Variants in CTSB observed in about 807,000 individuals in gnomAD.
The protein encoded by CTSB is cathepsin B.
In CTSB, 57 loss-of-function variants were observed where a neutral mutation model predicts 44.3. The ratio of observed to expected loss-of-function variants is 1.29; its 90% CI spans 1.04 to 1.60. CTSB has a LOEUF of 1.60. CTSB is among the 40% of genes most tolerant of loss of function. The pLI is 0.00. For synonymous variants in CTSB, 320 were observed against 168.0 expected (o/e 1.91, Z -7.00); for missense variants, 768 against 443.0 (o/e 1.73, Z -6.59).
chr8:11,853,194 G>A (rs1293294), intron 2 of CTSB, 135 bp downstream of exon 2: 25,848 of 1,248,146 alleles, frequency 0.021, 336 homozygotes, highest in Non-Finnish European at 0.025. Flanking sequence ...ACATGACTCA[G>A]GGTCAGGGCC....
chr8:11,855,516 G>A (rs1196983016), intron 1 of CTSB, among the ~76,000 whole-genome samples: 1 of 152,082 alleles, frequency 6.6e-6, no homozygotes, highest in Admixed American at 6.6e-5. Context: ...TTTTTAAAAA[G>A]GTAATGCTGG....
At chr8:11,850,542 C>G (rs1814396178) in intron 4 of CTSB, 1 of 208,320 alleles carries the variant, frequency 4.8e-6, no homozygotes, top group South Asian at 1.5e-4. Context: ...CTCACTGACA[C>G]TAAAGGGATG....
chr8:11,850,419 C>CAAAAAAA (rs61067792), intron 4 of CTSB, among the ~76,000 whole-genome samples: 2 of 53,770 alleles, frequency 3.7e-5, no homozygotes, highest in Admixed American at 2.4e-4. Flanking sequence ...ACTCCATCTC[C>CAAAAAAA]AAAAAAAAAA....
rs756799886 is a variant in CTSB, at chr8:11,845,805, C to T, written c.794-16G>A. The T allele has an allele frequency of 5.0e-6, 8 of 1,603,878 alleles. No homozygotes were observed. The highest frequency in any genetic ancestry group is 6.8e-6 in the Non-Finnish European group (8 of 1,172,688). On this transcript the variant is annotated splice_polypyrimidine_tract_variant and intron_variant, in intron 8 of 9. Coordinates refer to ENST00000353047, the MANE Select transcript of CTSB (RefSeq NM_001908.5). Reference sequence around the variant, plus strand: ...TGGTACACTCCTGAAAAGGGAAGAACTGGCTGAGACCGAGACCGGGCCACT... The same window carrying T: ...TGGTACACTCCTGAAAAGGGAAGAATTGGCTGAGACCGAGACCGGGCCACT...
intron 5 of CTSB, chr8:11,848,399 T>C (rs1312532050): frequency 1.6e-6 from 1 of 636,872 alleles, no homozygotes; most frequent in Non-Finnish European, 2.9e-6. Flanking sequence ...GGCTCTCCTG[T>C]TCATGTCCAT....
chr8:11,845,737 G>C lies in CTSB; in HGVS notation c.846C>G (p.Ile282Met), dbSNP rs546687307. ...GEMMGGHAIR[I>M]LGWGVENGTP... is the part of the protein sequence containing the mutation. ...TGCCATTCTCCACTCCCCAGCCCAG[G>C]ATGCGGATGGCATGGCCACCCATCA... The change falls in exon 9 of 10, where the codon ATC (isoleucine) becomes ATG (methionine). Residue 282 changes from isoleucine (I) to methionine (M), a missense_variant. Ile to Met is a conservative substitution (Grantham distance 10). Coordinates refer to ENST00000353047, the MANE Select transcript of CTSB (RefSeq NM_001908.5). 5 of 1,614,118 alleles carry C rather than the reference G, an allele frequency of 3.1e-6. No individual in the cohort carries two copies. In the Admixed American group the frequency reaches 8.3e-5, roughly 27 times the overall value.
intron 1 of CTSB, among the ~76,000 whole-genome samples, chr8:11,857,189 A>T (rs79326726): frequency 0.04 from 6,019 of 152,174 alleles, 157 homozygotes; most frequent in Non-Finnish European, 0.064. Flanking sequence ...ACGTTTGGCT[A>T]ATTTTTGTAG....
chr8:11,853,320 A>G lies in CTSB; in HGVS notation c.126+9T>C, dbSNP rs374395955. On this transcript the variant is annotated intron_variant, in intron 2 of 9. Transcript: ENST00000353047. ...GGGGACATACATAGGACGCAGCCCC[A>G]CAGCCTACCTGCCACGTGGTATTCC... 14 of 1,613,076 alleles carry G rather than the reference A, an allele frequency of 8.7e-6. No homozygotes were observed. Among genetic ancestry groups the G allele is most frequent in the Non-Finnish European group, 1.2e-5 (14 of 1,179,766 alleles).
At position 11,845,750 on chromosome 8, in the gene CTSB, T is replaced by C. The variant is rs1373655221; in HGVS notation, c.833A>G (p.His278Arg). 2 of 1,614,066 alleles carry C rather than the reference T, an allele frequency of 1.2e-6. No individual in the cohort carries two copies. Among genetic ancestry groups the C allele is most frequent in the Non-Finnish European group, 8.5e-7 (1 of 1,179,932 alleles). The change falls in exon 9 of 10, where the codon CAT becomes CGT. Residue 278 changes from histidine to arginine, a missense_variant. His to Arg is a conservative substitution (Grantham distance 29). Coordinates refer to ENST00000353047, the MANE Select transcript of CTSB (RefSeq NM_001908.5). ...TCCCCAGCCCAGGATGCGGATGGCA[T>C]GGCCACCCATCATCTCTCCGGTGAC... ...QHVTGEMMGG[H>R]AIRILGWGVE... is the part of the protein sequence containing the mutation.
chr8:11,851,919 G>C (rs1480127865), intron 3 of CTSB, among the ~76,000 whole-genome samples: 1 of 152,014 alleles, frequency 6.6e-6, no homozygotes, highest in Non-Finnish European at 1.5e-5. Flanking sequence ...CGCTTGCCTT[G>C]GCATCCCAAA....
chr8:11,846,150 T>C (rs1736085), intron 8 of CTSB: 30,219 of 161,096 alleles, frequency 0.19, 3,399 homozygotes, highest in Middle Eastern at 0.26. Context: ...GTCAAAAGCG[T>C]TACACGGCTT....
rs963776919 is a variant in CTSB, at chr8:11,844,011, A to C, written c.*1114T>G. On this transcript the variant is annotated 3_prime_UTR_variant, in exon 10 of 10. Coordinates refer to ENST00000353047, the MANE Select transcript of CTSB (RefSeq NM_001908.5). ...AGGCGCCACTGCACTCCAGCCTGGG[A>C]GACGGAATCTCACTCTGTCAGTCAC... The C allele has an allele frequency of 3.3e-5, 5 of 150,886 alleles. No individual in the cohort carries two copies. The highest frequency in any genetic ancestry group is 1.2e-4 in the African/African-American group (5 of 40,224). 9.3% of individuals were successfully genotyped at this position (150,886 alleles called of 1,614,324 possible). A position where few individuals can be genotyped will look rare whatever the true frequency, so the allele number is the denominator to read the frequency against.
At chr8:11,845,595 G>C in intron 9 of CTSB, 66 bp downstream of exon 9, 2 of 1,568,702 alleles carry the variant, frequency 1.3e-6, no homozygotes, top group Non-Finnish European at 1.7e-6. Context: ...AACAGAGAAA[G>C]CCGAGATGGC....
chr8:11,850,951 G>A lies in CTSB; in HGVS notation c.242C>T (p.Pro81Leu). 1.9e-6 allele frequency: 3 copies of A among 1,613,182 alleles called. No individual in the cohort carries two copies. Among genetic ancestry groups the A allele is most frequent in the Non-Finnish European group, 2.5e-6 (3 of 1,179,440 alleles). Residue 81 changes from proline to leucine, a missense_variant, in exon 4 of 10, where the codon CCT becomes CTT. Physicochemically the swap from Pro to Leu is moderately conservative, Grantham distance 98. Transcript: ENST00000353047. The stretch of plus-strand genomic sequence containing the variant: ...TTGTTCCCGTGCATCGAAGCTTGCA[G>A]GCAGCTTCAGGTCCTCGGTAAACAT... Reference protein sequence around the residue: ...RVMFTEDLKLPASFDAREQWP... With the variant: ...RVMFTEDLKLLASFDAREQWP...
At chr8:11,864,875 G>A (rs189201799) in intron 1 of CTSB, among the ~76,000 whole-genome samples, 1 of 150,312 alleles carries the variant, frequency 6.7e-6, no homozygotes, top group Non-Finnish European at 1.5e-5. Context: ...ATTGTGCCAC[G>A]GCATTCCAGC....
chr8:11,847,772 G>A lies in CTSB; in HGVS notation c.583C>T (p.Arg195Trp), dbSNP rs1195997020. ...TCTCCCTCCCCCGTGCATGGGGGCC[G>A]GGAGCCGTTGACGTGGTGCTCACAG... Reference protein sequence around the residue: ...PPCEHHVNGSRPPCTGEGDTP... With the variant: ...PPCEHHVNGSWPPCTGEGDTP... The change falls in exon 7 of 10, where the codon CGG (arginine) becomes TGG (tryptophan). Residue 195 changes from arginine to tryptophan, a missense_variant. Physicochemically the swap from Arg to Trp is moderately radical, Grantham distance 101. Coordinates refer to ENST00000353047, the MANE Select transcript of CTSB (RefSeq NM_001908.5). 31 of 1,599,334 alleles carry A rather than the reference G, an allele frequency of 1.9e-5. No homozygotes were observed. Among genetic ancestry groups the A allele is most frequent in the African/African-American group, 6.8e-5 (5 of 73,820 alleles).
chr8:11,850,188 A>G (rs1166730887), intron 4 of CTSB: 1 of 152,258 alleles, frequency 6.6e-6, no homozygotes, highest in African/African-American at 2.4e-5. Context: ...TGCGAGGCCG[A>G]GGAAGGCAGA....
chr8:11,848,483 G>A (rs1813884442), intron 5 of CTSB: 1 of 420,840 alleles, frequency 2.4e-6, no homozygotes, highest in Admixed American at 3.5e-5. Context: ...ACTTCCCTAA[G>A]GTACTTAAAA....
chr8:11,866,343 A>T (rs1307981162), intron 1 of CTSB, among the ~76,000 whole-genome samples: 2 of 152,218 alleles, frequency 1.3e-5, no homozygotes, highest in African/African-American at 4.8e-5. Flanking sequence ...TCCTGAGCCA[A>T]CACCCAGGAG....
Sources: allele counts gnomAD v4.1 joint callset (sites outside exome capture counted in the v4.1 genomes callset), GRCh38; gene constraint gnomAD v4.1.1; transcripts MANE v1.5; gene names NCBI Gene and HGNC (gene_info 2026-07-23, HGNC 2026-07-21).